Variants in TCF3 observed in about 807,000 individuals in gnomAD.
TCF3 encodes transcription factor E2-alpha.
TCF3 carries 54 observed loss-of-function variants against 72.3 expected under a neutral mutation model. The observed-to-expected ratio is 0.75, with a 90% confidence interval of 0.60 to 0.94. The LOEUF (loss-of-function observed/expected upper bound fraction) is 0.94, where lower values mean the gene tolerates loss of function less well. Among genes scored for constraint, TCF3 ranks in the 40% least tolerant of loss-of-function variants. The pLI is 0.00. For synonymous variants in TCF3, 525 were observed against 412.6 expected (o/e 1.27, Z -3.30); for missense variants, 1,078 against 934.4 (o/e 1.15, Z -2.00).
chr19:1,612,548 G>A, intron 18 of TCF3: 2 of 1,026,178 alleles, frequency 1.9e-6, no homozygotes, highest in Non-Finnish European at 2.9e-6. Flanking sequence ...GTGGGCAGCA[G>A]TGTGGGTACA....
At chr19:1,628,049 CAG>C (rs779503605) in intron 5 of TCF3, among the ~76,000 whole-genome samples, 1 of 1,002 alleles carries the variant, frequency 1.0e-3, no homozygotes, top group Non-Finnish European at 1.7e-3. Flanking sequence ...GCAGAGCTCA[CAG>C]GGGGTGAGGC....
At chr19:1,649,461 G>C (rs1430571232) in intron 2 of TCF3, among the ~76,000 whole-genome samples, 1 of 152,210 alleles carries the variant, frequency 6.6e-6, no homozygotes, top group East Asian at 1.9e-4. Flanking sequence ...CCAGGAAGGA[G>C]TGCAGTGGCG....
chr19:1,634,166 G>A (rs975122959), intron 3 of TCF3, among the ~76,000 whole-genome samples: 3 of 152,170 alleles, frequency 2.0e-5, no homozygotes, highest in South Asian at 2.1e-4. Flanking sequence ...CCTCCTCCTA[G>A]AAATGACAAA....
chr19:1,651,999 C>T (rs1305400966), intron 1 of TCF3, among the ~76,000 whole-genome samples: 2 of 150,332 alleles, frequency 1.3e-5, no homozygotes, highest in South Asian at 2.1e-4. Context: ...GCCTAAGTTG[C>T]ACAGCCCGTC....
At chr19:1,650,110 C>A in intron 2 of TCF3, 67 bp downstream of exon 2, 1 of 1,455,496 alleles carries the variant, frequency 6.9e-7, no homozygotes, top group South Asian at 1.2e-5. Context: ...ACACTCTCCC[C>A]TGAAAACCTT....
At chr19:1,620,774 CG>C (rs2062097620) in intron 13 of TCF3, among the ~76,000 whole-genome samples, 193 bp downstream of exon 13, 2 of 152,316 alleles carry the variant, frequency 1.3e-5, no homozygotes, top group African/African-American at 4.8e-5. Flanking sequence ...TCCCTTCCAC[CG>C]TCGGTTCCTG....
At chr19:1,637,684 C>T (rs1461570198) in intron 3 of TCF3, among the ~76,000 whole-genome samples, 6 of 152,260 alleles carry the variant, frequency 3.9e-5, no homozygotes, top group South Asian at 4.1e-4. Context: ...CCAAGGCGGG[C>T]GGATCACGAG....
chr19:1,637,239 ACCT>A (rs2064555181), intron 3 of TCF3, among the ~76,000 whole-genome samples: 1 of 148,312 alleles, frequency 6.7e-6, no homozygotes, highest in Non-Finnish European at 1.5e-5. Context: ...ACGCCTGGCA[ACCT>A]CCTCCACCAG....
chr19:1,647,952 G>C (rs535978934), intron 2 of TCF3, among the ~76,000 whole-genome samples: 2 of 152,258 alleles, frequency 1.3e-5, no homozygotes, highest in African/African-American at 4.8e-5. Flanking sequence ...TGGGGAGCTC[G>C]CTTCCAACAG....
rs546825912 is a variant in TCF3 at position 1,613,803 on chromosome 19, T to C, written c.1822+1482A>G. 8.5e-5 allele frequency among the ~76,000 whole-genome samples: 13 copies of C among 152,256 alleles called. No individual in the cohort carries two copies. In the East Asian group the frequency reaches 2.5e-3, roughly 29 times the overall value. On this transcript the variant is annotated intron_variant, in intron 18 of 18. Coordinates refer to ENST00000262965, the MANE Select transcript of TCF3 (RefSeq NM_003200.5). ...CCAAGATGAGCCCTCCCTGAGCTCC[T>C]GCCCCTGGCTGGGAAGGCCAGCTCC...
In TCF3 at chr19:1,611,458, G is replaced by C; in HGVS notation, c.*249C>G. 2 of 485,216 alleles carry C rather than the reference G, an allele frequency of 4.1e-6. No individual in the cohort carries two copies. Among genetic ancestry groups the C allele is most frequent in the South Asian group, 8.2e-5 (2 of 24,320 alleles). 30.1% of individuals were successfully genotyped at this position (485,216 alleles called of 1,614,324 possible). On this transcript the variant is annotated 3_prime_UTR_variant, in exon 19 of 19. Coordinates refer to ENST00000262965, the MANE Select transcript of TCF3 (RefSeq NM_003200.5). Reference sequence around the variant, plus strand: ...CATGGGACAGGTCACAGAGTGACACGGTGGCTGAGATTCGGGGACAGGGGG... The same window carrying C: ...CATGGGACAGGTCACAGAGTGACACCGTGGCTGAGATTCGGGGACAGGGGG...
rs2061341639 is a variant in TCF3, at chr19:1,614,401, G to A, written c.1822+884C>T. On this transcript the variant is annotated intron_variant, in intron 18 of 18. Transcript: ENST00000262965. This position sits in a 1 kb window ranked among gnomAD's most constrained non-coding sequence, Gnocchi z 5.6. ...AGGTTGCAGCCCAGCCGCTCCCGGTGCTCGGGCAGCAAGTGCGAGGTGAGG... is the reference window on the plus strand; with the variant it reads ...AGGTTGCAGCCCAGCCGCTCCCGGTACTCGGGCAGCAAGTGCGAGGTGAGG... Among the ~76,000 whole-genome samples the A allele has an allele frequency of 1.3e-5, 2 of 152,326 alleles. No individual in the cohort carries two copies. The highest frequency in any genetic ancestry group is 4.8e-5 in the African/African-American group (2 of 41,570).
At chr19:1,630,663 T>A (rs2063593616) in intron 5 of TCF3, among the ~76,000 whole-genome samples, 1 of 151,988 alleles carries the variant, frequency 6.6e-6, no homozygotes, top group Non-Finnish European at 1.5e-5. Context: ...CCTCAAACCG[T>A]CGGGTTCCAG....
At chr19:1,617,325 G>A (rs1226423682) in intron 16 of TCF3, among the ~76,000 whole-genome samples, 7 of 152,170 alleles carry the variant, frequency 4.6e-5, no homozygotes, top group Non-Finnish European at 8.8e-5. Flanking sequence ...GACCCCAGCC[G>A]CTCACACCAC....
chr19:1,610,011 AC>A lies in TCF3; in HGVS notation c.*1695del. 4.3e-6 allele frequency: 1 copy of A among 232,870 alleles called. No homozygotes were observed. Among genetic ancestry groups the A allele is most frequent in the South Asian group, 1.8e-4 (1 of 5,522 alleles). 14.4% of individuals were successfully genotyped at this position (232,870 alleles called of 1,614,324 possible). On this transcript the variant is annotated 3_prime_UTR_variant, in exon 19 of 19. Transcript: ENST00000262965. ...AGGCCCACACCTGGGTGCCACAGTG[AC>A]CACTGCCCTAGTTCGTGTGGAACTG...
At chr19:1,648,985 GGGC>G (rs2066578930) in intron 2 of TCF3, among the ~76,000 whole-genome samples, 1 of 152,202 alleles carries the variant, frequency 6.6e-6, no homozygotes, top group African/African-American at 2.4e-5. Flanking sequence ...GTACCCCAGG[GGGC>G]TCCGGCATTC....
At chr19:1,627,211 G>T in intron 6 of TCF3, 148 bp downstream of exon 6, 1 of 164,662 alleles carries the variant, frequency 6.1e-6, no homozygotes, top group Non-Finnish European at 1.2e-5. Flanking sequence ...CACCCACCCA[G>T]CCCACCCTGG....
intron 11 of TCF3, among the ~76,000 whole-genome samples, chr19:1,621,520 G>A (rs996835797): frequency 4.1e-5 from 6 of 145,934 alleles, no homozygotes; most frequent in East Asian, 2.1e-4. Flanking sequence ...TCCCTCTCTG[G>A]GCCTGGGTGG....
At chr19:1,619,692 A>T in intron 14 of TCF3, 88 bp downstream of exon 14, 1 of 1,362,340 alleles carries the variant, frequency 7.3e-7, no homozygotes, top group Non-Finnish European at 1.0e-6. Context: ...TTTACAAGAA[A>T]CTAACAAAAA....
Sources: allele counts gnomAD v4.1 joint callset (sites outside exome capture counted in the v4.1 genomes callset), GRCh38; gene constraint gnomAD v4.1.1; non-coding constraint Gnocchi (gnomAD v3.1); transcripts MANE v1.5; gene names NCBI Gene and HGNC (gene_info 2026-07-23, HGNC 2026-07-21).